SARAF: variants seen among roughly 807,000 people sequenced by gnomAD.
The protein encoded by SARAF is store-operated calcium entry-associated regulatory factor.
A neutral mutation model predicts 39.7 loss-of-function variants in SARAF; 23 were observed. The observed-to-expected ratio is 0.58, with a 90% CI of 0.42 to 0.82. SARAF has a LOEUF of 0.82. Among genes scored for constraint, SARAF ranks in the 40% least tolerant of loss-of-function variants. The pLI is 0.00. For missense variants in SARAF, 384 were observed against 418.5 expected (o/e 0.92, Z 0.72); for synonymous variants, 175 against 168.5 (o/e 1.04, Z -0.30).
rs779152933 is a variant in SARAF at position 30,069,837 on chromosome 8, C to T, written c.505G>A (p.Asp169Asn). 5.0e-6 allele frequency: 8 copies of T among 1,614,016 alleles called. No individual in the cohort carries two copies. Among genetic ancestry groups the T allele is most frequent in the African/African-American group, 1.3e-5 (1 of 74,904 alleles). Reference protein sequence around the residue: ...SDYYYKWSSADSCNMSGLITI... With the variant: ...SDYYYKWSSANSCNMSGLITI... Reference sequence around the variant, plus strand: ...ATCAATCCACTCATGTTACAGGAATCCGCCGAGGACCACTTATAATAATAA... The same window carrying T: ...ATCAATCCACTCATGTTACAGGAATTCGCCGAGGACCACTTATAATAATAA... The change falls in exon 3 of 6, where the codon GAT becomes AAT. Residue 169 changes from aspartate (D) to asparagine (N), a missense_variant. Transcript: ENST00000256255.
intron 2 of SARAF, among the ~76,000 whole-genome samples, chr8:30,072,784 A>G (rs1400146432): frequency 1.3e-5 from 2 of 152,168 alleles, no homozygotes; most frequent in Non-Finnish European, 2.9e-5. Context: ...CCTTCCTAAC[A>G]CAGCACAAAT....
chr8:30,067,114 A>G, intron 3 of SARAF, 196 bp from the exon 4 acceptor site: 1 of 595,046 alleles, frequency 1.7e-6, no homozygotes, highest in Non-Finnish European at 2.9e-6. Flanking sequence ...TTTCCCATAG[A>G]TATGGGAGGA....
intron 3 of SARAF, among the ~76,000 whole-genome samples, chr8:30,067,939 G>A (rs919031893): frequency 2.0e-5 from 3 of 152,170 alleles, no homozygotes; most frequent in Non-Finnish European, 2.9e-5. Context: ...TACCGGCAAA[G>A]TATGAAAGTT....
intron 3 of SARAF, among the ~76,000 whole-genome samples, chr8:30,068,487 A>G (rs1309894581): frequency 6.6e-6 from 1 of 152,216 alleles, no homozygotes; most frequent in Non-Finnish European, 1.5e-5. Flanking sequence ...ATTATATATT[A>G]CAATGTAATA....
At chr8:30,070,545 G>A (rs1454374646) in intron 2 of SARAF, among the ~76,000 whole-genome samples, 1 of 152,160 alleles carries the variant, frequency 6.6e-6, no homozygotes, top group African/African-American at 2.4e-5. Context: ...GATAATGGTG[G>A]TATCTGTGTT....
At chr8:30,078,139 CA>C (rs71204258) in intron 1 of SARAF, 1,269 of 209,066 alleles carry the variant, frequency 6.1e-3, no homozygotes, top group South Asian at 0.012. Context: ...GACTCCGTCT[CA>C]AAAAAAAAAA....
At chr8:30,066,493 C>G (rs1370120516) in intron 4 of SARAF, among the ~76,000 whole-genome samples, 2 of 152,194 alleles carry the variant, frequency 1.3e-5, no homozygotes, top group Non-Finnish European at 2.9e-5. Context: ...CAAATGCTGT[C>G]TTCTTTCCTG....
At chr8:30,066,683 T>A in intron 4 of SARAF, 94 bp downstream of exon 4, 1 of 1,518,876 alleles carries the variant, frequency 6.6e-7, no homozygotes, top group Admixed American at 1.9e-5. Flanking sequence ...GTCACCACAA[T>A]TTATTTTCCT....
chr8:30,072,369 C>G (rs2117432342), intron 2 of SARAF, among the ~76,000 whole-genome samples: 1 of 152,268 alleles, frequency 6.6e-6, no homozygotes, highest in East Asian at 1.9e-4. Context: ...TAAGCTTCCT[C>G]CCATTCTGTA....
chr8:30,080,416 T>C (rs1563358188), intron 1 of SARAF, among the ~76,000 whole-genome samples: 2 of 152,226 alleles, frequency 1.3e-5, no homozygotes, highest in African/African-American at 4.8e-5. Context: ...TAACAGTGAC[T>C]TCCCTGACCA....
At chr8:30,082,739 G>T in intron 1 of SARAF, 108 bp downstream of exon 1, 1 of 805,764 alleles carries the variant, frequency 1.2e-6, no homozygotes, top group Non-Finnish European at 1.9e-6. Flanking sequence ...GGGAATCCGG[G>T]CACCCAGGCT....
intron 2 of SARAF, among the ~76,000 whole-genome samples, chr8:30,072,324 T>C (rs1219578763): frequency 1.3e-5 from 2 of 152,246 alleles, no homozygotes; most frequent in East Asian, 1.9e-4. Context: ...TTATTTTATA[T>C]TCTAAATACA....
In SARAF at chr8:30,066,050, T is replaced by C. The variant is rs2117420193; in HGVS notation, c.932A>G (p.His311Arg). 1 of 1,614,106 alleles carries C rather than the reference T, an allele frequency of 6.2e-7. No individual in the cohort carries two copies. Among genetic ancestry groups the C allele is most frequent in the Non-Finnish European group, 8.5e-7 (1 of 1,180,022 alleles). The part of the protein sequence containing the change: ...GTWNRAYSPL[H>R]GGSGSYSVCS... The stretch of plus-strand genomic sequence containing the variant: ...TACCGAATAGCTGCCCGAGCCTCCA[T>C]GAAGGGGTGAGTAAGCCCTATTCCA... Residue 311 changes from histidine (H) to arginine (R), a missense_variant, in exon 5 of 6, where the codon CAT becomes CGT. Coordinates refer to ENST00000256255, the MANE Select transcript of SARAF (RefSeq NM_016127.6).
chr8:30,066,634 C>T, intron 4 of SARAF, 143 bp downstream of exon 4: 2 of 983,122 alleles, frequency 2.0e-6, no homozygotes, highest in South Asian at 3.3e-5. Flanking sequence ...ATATAGTGTA[C>T]CTTCCCCCTT....
intron 1 of SARAF, among the ~76,000 whole-genome samples, chr8:30,075,667 A>C (rs1230416722): frequency 6.6e-6 from 1 of 152,094 alleles, no homozygotes; most frequent in Non-Finnish European, 1.5e-5. Flanking sequence ...TGACATGAAC[A>C]ATCTATTTTT....
At chr8:30,082,591 G>A (rs191502153) in intron 1 of SARAF, among the ~76,000 whole-genome samples, 1 of 152,306 alleles carries the variant, frequency 6.6e-6, no homozygotes, top group Non-Finnish European at 1.5e-5. Context: ...CCGGGAGTCC[G>A]GGGCAGGGAG....
Position 30,066,079 on chromosome 8 carries a change from G to T in SARAF, c.903C>A (p.Gly301=). The change falls in exon 5 of 6, where the codon GGC becomes GGA. Residue 301 remains glycine, a synonymous_variant. Coordinates refer to ENST00000256255, the MANE Select transcript of SARAF (RefSeq NM_016127.6). The part of the protein sequence containing the change: ...YYPSYPPSYP[G]TWNRAYSPLH... Reference sequence around the variant, plus strand: ...GGGGTGAGTAAGCCCTATTCCACGTGCCAGGGTAGGAGGGAGGATAGGACG... The same window carrying T: ...GGGGTGAGTAAGCCCTATTCCACGTTCCAGGGTAGGAGGGAGGATAGGACG... 1.2e-6 allele frequency: 2 copies of T among 1,614,102 alleles called. No individual in the cohort carries two copies. Among genetic ancestry groups the T allele is most frequent in the Non-Finnish European group, 1.7e-6 (2 of 1,180,000 alleles).
rs138653756 is a variant in SARAF at position 30,066,106 on chromosome 8, G to A, written c.876C>T (p.Tyr292=). 965 of 1,614,156 alleles carry A rather than the reference G, an allele frequency of 6.0e-4. 10 individuals carry two copies. In the South Asian group the frequency reaches 8.9e-3, roughly 15 times the overall value. ...CAGGGTAGGAGGGAGGATAGGACGG[G>A]TAGTACCACGAGTCTGAGAAGGGTG... The part of the protein sequence containing the change: ...AATPFSDSWY[Y]PSYPPSYPGT... Residue 292 remains tyrosine, a synonymous_variant, in exon 5 of 6, where the codon TAC becomes TAT. Transcript: ENST00000256255.
At chr8:30,064,559 A>ATTTTT (rs1240248914) in intron 5 of SARAF, among the ~76,000 whole-genome samples, 2 of 50,002 alleles carry the variant, frequency 4.0e-5, no homozygotes, top group African/African-American at 9.8e-5. Flanking sequence ...ATATATATAT[A>ATTTTT]TATTTTTTTT....
Sources: allele counts gnomAD v4.1 joint callset (sites outside exome capture counted in the v4.1 genomes callset), GRCh38; gene constraint gnomAD v4.1.1; transcripts MANE v1.5; gene names NCBI Gene and HGNC (gene_info 2026-07-23, HGNC 2026-07-21).